HSF2BP: variants seen among roughly 807,000 people sequenced by gnomAD.
HSF2BP encodes the protein heat shock transcription factor 2 binding protein.
Under a neutral mutation model 35.0 loss-of-function variants are expected in HSF2BP, and 35 were observed. That is an observed-to-expected ratio of 1.00 (90% CI 0.76 to 1.32). HSF2BP has a LOEUF of 1.32. Ranked by LOEUF, HSF2BP falls within the 40% of genes most tolerant of loss-of-function variation. The probability of loss-of-function intolerance (pLI) is 0.00; values close to 1 mark genes in which losing one functional copy is unlikely to be tolerated. For missense variants in HSF2BP, 326 were observed against 321.7 expected, an observed-to-expected ratio of 1.01 and a Z score of -0.10; for synonymous variants, 114 against 117.4, an observed-to-expected ratio of 0.97 and a Z score of 0.18.
intron 2 of HSF2BP, among the ~76,000 whole-genome samples, chr21:43,657,550 G>A (rs1452888613): frequency 1.3e-5 from 2 of 152,220 alleles, no homozygotes; most frequent in Non-Finnish European, 2.9e-5. Context: ...TGGAAATTAA[G>A]GCACGGGAGC....
chr21:43,653,579 G>A (rs950907247), intron 3 of HSF2BP, among the ~76,000 whole-genome samples: 3 of 152,324 alleles, frequency 2.0e-5, no homozygotes, highest in Admixed American at 6.5e-5. Flanking sequence ...CTTTTAAGCC[G>A]TAGTATGGTT....
chr21:43,505,710 A>C, the HSF2BP span, among the ~76,000 whole-genome samples: 1 of 105,640 alleles, frequency 9.5e-6, no homozygotes, highest in Admixed American at 9.0e-5. Flanking sequence ...GACAGGTTGG[A>C]CTTCCGAGGT....
intron 1 of HSF2BP, 42 bp from the exon 2 acceptor site, chr21:43,658,362 A>T: frequency 1.9e-6 from 1 of 515,060 alleles, no homozygotes. Flanking sequence ...GTAAGTGTCA[A>T]GTAAAATAAA....
chr21:43,587,792 C>T (rs1000470568), intron 8 of HSF2BP, among the ~76,000 whole-genome samples: 4 of 152,092 alleles, frequency 2.6e-5, no homozygotes, highest in East Asian at 1.9e-4. Context: ...GAAAAGTCCA[C>T]CTGAGTCAAA....
intron 7 of HSF2BP, among the ~76,000 whole-genome samples, chr21:43,599,047 T>C (rs2082020234): frequency 2.0e-5 from 3 of 152,228 alleles, no homozygotes; most frequent in Admixed American, 6.5e-5. Flanking sequence ...CAATCTTCTG[T>C]ATGTCTTAAA....
At chr21:43,657,835 G>A (rs959371490) in intron 2 of HSF2BP, 24 of 985,356 alleles carry the variant, frequency 2.4e-5, no homozygotes, top group East Asian at 2.3e-4. Context: ...CCCACCACGC[G>A]CAGCCTCACA....
At position 43,633,139 on chromosome 21, in the gene HSF2BP, T is replaced by C. The variant is rs775867492; in HGVS notation, c.441+133A>G. 100 of 914,932 alleles carry C rather than the reference T, an allele frequency of 1.1e-4. 1 individual carries two copies. Among genetic ancestry groups the C allele is most frequent in the Non-Finnish European group, 1.5e-4 (95 of 615,834 alleles). The allele number at this position is 914,932 out of a possible 1,614,324, so 56.7% of individuals were successfully genotyped here. A position where few individuals can be genotyped will look rare whatever the true frequency, so the allele number is the denominator to read the frequency against. On this transcript the variant is annotated intron_variant, in intron 5 of 8. Coordinates refer to ENST00000291560, the MANE Select transcript of HSF2BP (RefSeq NM_007031.2). Reference sequence around the variant, plus strand: ...TGAACCATATACGATAAGTATTCAATAACTAGCTGATGAGTGAACAAAAGA... The same window carrying C: ...TGAACCATATACGATAAGTATTCAACAACTAGCTGATGAGTGAACAAAAGA...
At chr21:43,467,935 A>ATG in the HSF2BP span, among the ~76,000 whole-genome samples, 1 of 71,512 alleles carries the variant, frequency 1.4e-5, no homozygotes, top group African/African-American at 7.2e-5. Flanking sequence ...CACACACCAC[A>ATG]CACACACACC....
intron 6 of HSF2BP, among the ~76,000 whole-genome samples, chr21:43,622,650 C>T (rs2082344034): frequency 6.6e-6 from 1 of 152,126 alleles, no homozygotes; most frequent in African/African-American, 2.4e-5. Context: ...GCACCCAACA[C>T]AGCATTATCC....
intron 7 of HSF2BP, among the ~76,000 whole-genome samples, chr21:43,604,791 C>A: frequency 6.9e-6 from 1 of 144,320 alleles, no homozygotes; most frequent in East Asian, 2.2e-4. Flanking sequence ...CACACACATG[C>A]CACACTACAC....
At chr21:43,605,605 T>C in intron 7 of HSF2BP, among the ~76,000 whole-genome samples, 1 of 118,890 alleles carries the variant, frequency 8.4e-6, no homozygotes, top group Non-Finnish European at 1.7e-5. Flanking sequence ...CACACACACA[T>C]CCCCCTCACA....
chr21:43,575,549 C>T (rs758549800), intron 8 of HSF2BP, among the ~76,000 whole-genome samples: 4 of 152,240 alleles, frequency 2.6e-5, no homozygotes, highest in African/African-American at 4.8e-5. Context: ...TCACCACTTA[C>T]AAACTACTTT....
In HSF2BP at chr21:43,633,369, T is replaced by C; in HGVS notation, c.344A>G (p.Gln115Arg). 6.2e-7 allele frequency: 1 copy of C among 1,613,886 alleles called. No individual in the cohort carries two copies. The highest frequency in any genetic ancestry group is 8.5e-7 in the Non-Finnish European group (1 of 1,179,922). Residue 115 changes from glutamine to arginine, a missense_variant, in exon 5 of 9, where the codon CAG (glutamine) becomes CGG (arginine). Physicochemically the swap from Gln to Arg is conservative, Grantham distance 43 (BLOSUM62 1). Coordinates refer to ENST00000291560, the MANE Select transcript of HSF2BP (RefSeq NM_007031.2). Reference protein sequence around the residue: ...QLNEAKQQLLQQAEYCTEMGA... With the variant: ...QLNEAKQQLLRQAEYCTEMGA... The stretch of plus-strand genomic sequence containing the variant: ...CATTTCTGTACAATACTCTGCCTGC[T>C]GCAGGAGTTGCTGCTTCGCTTCATT...
intron 8 of HSF2BP, among the ~76,000 whole-genome samples, chr21:43,584,995 A>ATTTATTTAT (rs1568887870): frequency 3.9e-3 from 596 of 151,582 alleles, no homozygotes; most frequent in African/African-American, 0.013. Flanking sequence ...ATTTTATTTA[A>ATTTATTTAT]TTATTTATTT....
chr21:43,588,454 A>C (rs1251817608), intron 8 of HSF2BP, among the ~76,000 whole-genome samples: 2 of 152,058 alleles, frequency 1.3e-5, no homozygotes. Flanking sequence ...GCTGAGCAGC[A>C]GTCCTGTAGC....
intron 7 of HSF2BP, among the ~76,000 whole-genome samples, chr21:43,605,110 T>TCA (rs1380633234): frequency 8.1e-6 from 1 of 123,780 alleles, no homozygotes; most frequent in African/African-American, 3.2e-5. Flanking sequence ...ATCACACACA[T>TCA]CACACACACA....
rs919848105 is a variant in HSF2BP at position 43,591,050 on chromosome 21, A to G, written c.796+1175T>C. Among the ~76,000 whole-genome samples the G allele has an allele frequency of 1.4e-4, 22 of 152,356 alleles. 1 individual carries two copies. The highest frequency in any genetic ancestry group is 5.9e-4 in the Admixed American group (9 of 15,304). ...ATTTTTTAAAAAAGCATTCACCACC[A>G]AATGGAACTGACACTAAAAAAAAGA... is the stretch of plus-strand genomic sequence containing the variant. On this transcript the variant is annotated intron_variant, in intron 8 of 8. Transcript: ENST00000291560.
intron 6 of HSF2BP, among the ~76,000 whole-genome samples, chr21:43,619,159 T>C (rs2082304697): frequency 6.6e-6 from 1 of 152,138 alleles, no homozygotes; most frequent in South Asian, 2.1e-4. Flanking sequence ...ACAACTTTTA[T>C]ATATGCTGGG....
chr21:43,593,501 C>T (rs985920878), intron 7 of HSF2BP, among the ~76,000 whole-genome samples: 3 of 152,082 alleles, frequency 2.0e-5, no homozygotes, highest in Non-Finnish European at 4.4e-5. Context: ...GAACCAATAA[C>T]AGGGCTAGAA....
Sources: allele counts gnomAD v4.1 joint callset (sites outside exome capture counted in the v4.1 genomes callset), GRCh38; gene constraint gnomAD v4.1.1; transcripts MANE v1.5; gene names NCBI Gene and HGNC (gene_info 2026-07-23, HGNC 2026-07-21).